Variants in HNRNPM observed in about 807,000 individuals in gnomAD.
The protein encoded by HNRNPM is CEA receptor.
HNRNPM carries 11 observed loss-of-function variants against 73.1 expected under a neutral mutation model. The ratio of observed to expected loss-of-function variants is 0.15; its 90% CI spans 0.09 to 0.25. The LOEUF (loss-of-function observed/expected upper bound fraction) is 0.25, where lower values mean the gene tolerates loss of function less well. Among genes scored for constraint, HNRNPM ranks in the 10% least tolerant of loss-of-function variants. The pLI is 1.00. For synonymous variants in HNRNPM, 407 were observed against 355.2 expected, an observed-to-expected ratio of 1.15 and a Z score of -1.64; for missense variants, 789 against 1,067.9, an observed-to-expected ratio of 0.74 and a Z score of 3.64.
In HNRNPM at chr19:8,445,322, C is replaced by T. The variant is rs1402955975; in HGVS notation, c.113+211C>T. Reference sequence around the variant, plus strand: ...TCGTCCCCTACACCGGGCCTCGAGCCTCGCCACCCTCAGTCCCTCCAGGCC... The same window carrying T: ...TCGTCCCCTACACCGGGCCTCGAGCTTCGCCACCCTCAGTCCCTCCAGGCC... On this transcript the variant is annotated intron_variant, in intron 1 of 15. Transcript: ENST00000325495. The T allele has an allele frequency of 1.7e-5, 7 of 411,756 alleles. No individual in the cohort carries two copies. In the East Asian group the frequency reaches 2.6e-4, roughly 15 times the overall value. The allele number at this position is 411,756 out of a possible 1,614,324, so 25.5% of individuals were successfully genotyped here.
chr19:8,485,139 G>A (rs551612206), intron 13 of HNRNPM, among the ~76,000 whole-genome samples: 1 of 152,076 alleles, frequency 6.6e-6, no homozygotes, highest in African/African-American at 2.4e-5. Flanking sequence ...CATCCTAGAG[G>A]GACAGGCTGG....
intron 10 of HNRNPM, among the ~76,000 whole-genome samples, chr19:8,471,872 G>C (rs1322068733): frequency 6.6e-6 from 1 of 151,984 alleles, no homozygotes; most frequent in Non-Finnish European, 1.5e-5. Flanking sequence ...GGCATTGATA[G>C]ATGCAAAAAA....
intron 10 of HNRNPM, among the ~76,000 whole-genome samples, chr19:8,473,061 C>G (rs1426794731): frequency 6.6e-6 from 1 of 152,008 alleles, no homozygotes; most frequent in East Asian, 1.9e-4. Context: ...TGAGACTAGT[C>G]TAGGCGACAT....
intron 9 of HNRNPM, among the ~76,000 whole-genome samples, chr19:8,469,295 A>G (rs972419768): frequency 3.3e-5 from 5 of 152,222 alleles, no homozygotes; most frequent in African/African-American, 1.2e-4. Flanking sequence ...TGCTCCGCAT[A>G]GATAAATGCA....
At chr19:8,480,161 A>T (rs1337711914) in intron 12 of HNRNPM, among the ~76,000 whole-genome samples, 5 of 143,352 alleles carry the variant, frequency 3.5e-5, no homozygotes, top group Admixed American at 3.5e-4. Context: ...GTGAATCACG[A>T]GGTTAGGAGT....
At chr19:8,477,588 G>A (rs1970598632) in intron 12 of HNRNPM, among the ~76,000 whole-genome samples, 1 of 150,352 alleles carries the variant, frequency 6.7e-6, no homozygotes, top group Non-Finnish European at 1.5e-5. Flanking sequence ...GGAGGTCGAG[G>A]CTGCAGTGAA....
intron 1 of HNRNPM, among the ~76,000 whole-genome samples, chr19:8,447,331 A>G (rs1968267067): frequency 6.7e-6 from 1 of 150,194 alleles, no homozygotes; most frequent in Non-Finnish European, 1.5e-5. Context: ...CACTCCATGC[A>G]GAGTGGAGAG....
At chr19:8,472,591 T>C (rs751181969) in intron 10 of HNRNPM, among the ~76,000 whole-genome samples, 8 of 152,206 alleles carry the variant, frequency 5.3e-5, no homozygotes, top group Non-Finnish European at 8.8e-5. Flanking sequence ...AGGGATTGAT[T>C]TATTGAGACG....
chr19:8,473,313 T>C (rs1915062986), intron 10 of HNRNPM, among the ~76,000 whole-genome samples: 1 of 151,938 alleles, frequency 6.6e-6, no homozygotes, highest in Non-Finnish European at 1.5e-5. Context: ...AGAAAAAGAT[T>C]AGCCAGGCGT....
In HNRNPM at chr19:8,450,547, C is replaced by G. The variant is rs905015491; in HGVS notation, c.114-4858C>G. On this transcript the variant is annotated intron_variant, in intron 1 of 15. Transcript: ENST00000325495. ...ACCTCAGCCTTCTGAGTAAATAGGA[C>G]CACAGGCACATGGTACCATGCCTAG... is the stretch of plus-strand genomic sequence containing the variant. Among the ~76,000 whole-genome samples, 10 of 151,966 alleles carry G rather than the reference C, an allele frequency of 6.6e-5. No homozygotes were observed. In the East Asian group the frequency reaches 1.5e-3, roughly 24 times the overall value.
chr19:8,473,713 GAA>G lies in HNRNPM; in HGVS notation c.1042+7_1042+8del, dbSNP rs753250759. 1.6e-5 allele frequency: 24 copies of G among 1,529,974 alleles called. No individual in the cohort carries two copies. In the African/African-American group the frequency reaches 3.1e-4, roughly 20 times the overall value. The allele number at this position is 1,529,974 out of a possible 1,614,324, so 94.8% of individuals were successfully genotyped here. Reference sequence around the variant, plus strand: ...TTGGAATAAATAAAATGGGAGGTAAGAAATTTAAAATGAAGTACAAGCATAAT... The same window carrying G: ...TTGGAATAAATAAAATGGGAGGTAAGATTTAAAATGAAGTACAAGCATAAT... On this transcript the variant is annotated splice_donor_region_variant and intron_variant, in intron 11 of 15. Transcript: ENST00000325495.
intron 12 of HNRNPM, among the ~76,000 whole-genome samples, chr19:8,481,103 C>T (rs933196772): frequency 6.6e-5 from 10 of 152,196 alleles, no homozygotes; most frequent in Non-Finnish European, 1.0e-4. Flanking sequence ...CTTTCCTACT[C>T]GGTGCCCCTT....
chr19:8,474,358 A>G (rs953121419), intron 12 of HNRNPM, 114 bp downstream of exon 12: 4 of 613,710 alleles, frequency 6.5e-6, no homozygotes, highest in East Asian at 3.1e-5. Context: ...CTGCTTTTCA[A>G]CCGAATCAAA....
At chr19:8,445,166 C>T (rs1044675658) in intron 1 of HNRNPM, 55 bp downstream of exon 1, 3 of 1,316,480 alleles carry the variant, frequency 2.3e-6, no homozygotes, top group Non-Finnish European at 2.9e-6. Context: ...GCGGCCGACG[C>T]GGGCGGCGGC....
At chr19:8,478,023 C>G (rs903447664) in intron 12 of HNRNPM, among the ~76,000 whole-genome samples, 2 of 152,104 alleles carry the variant, frequency 1.3e-5, no homozygotes, top group African/African-American at 4.8e-5. Context: ...TACACAAAGC[C>G]TTTGGGGTAG....
intron 13 of HNRNPM, among the ~76,000 whole-genome samples, chr19:8,484,307 G>T (rs1330922550): frequency 6.6e-6 from 1 of 151,992 alleles, no homozygotes; most frequent in Non-Finnish European, 1.5e-5. Flanking sequence ...CTCCCAAGTA[G>T]CTGGGACTAC....
rs571714414 is a variant in HNRNPM, at chr19:8,462,213, G to A, written c.284-316G>A. ...TCCCTTCCCCAGAAAAGTAAATCACGCAGACTTCTTTCCTATAGATTTGGA... is the reference window on the plus strand; with the variant it reads ...TCCCTTCCCCAGAAAAGTAAATCACACAGACTTCTTTCCTATAGATTTGGA... On this transcript the variant is annotated intron_variant, in intron 2 of 15. Transcript: ENST00000325495. This position sits in a 1 kb window ranked among gnomAD's most constrained non-coding sequence, Gnocchi z 4.5. 4.5e-5 allele frequency: 13 copies of A among 291,704 alleles called. No individual in the cohort carries two copies. Among genetic ancestry groups the A allele is most frequent in the East Asian group, 2.5e-4 (4 of 16,170 alleles). 18.1% of individuals were successfully genotyped at this position (291,704 alleles called of 1,614,324 possible).
At position 8,465,230 on chromosome 19, in the gene HNRNPM, C is replaced by T. The variant is rs923310544; in HGVS notation, c.439-94C>T. On this transcript the variant is annotated intron_variant, in intron 5 of 15. Coordinates refer to ENST00000325495, the MANE Select transcript of HNRNPM (RefSeq NM_005968.5). Reference sequence around the variant, plus strand: ...GAGAGATGCTTTCCAAACAACCTTTCAGTTTCTAAGTCTTGAGAATATCAT... The same window carrying T: ...GAGAGATGCTTTCCAAACAACCTTTTAGTTTCTAAGTCTTGAGAATATCAT... The T allele has an allele frequency of 1.3e-5, 13 of 1,000,452 alleles. No homozygotes were observed. In the Admixed American group the frequency reaches 3.2e-4, roughly 25 times the overall value. The allele number at this position is 1,000,452 out of a possible 1,614,324, so 62.0% of individuals were successfully genotyped here. A position where few individuals can be genotyped will look rare whatever the true frequency, so the allele number is the denominator to read the frequency against.
chr19:8,460,345 T>C (rs953842537), intron 2 of HNRNPM, among the ~76,000 whole-genome samples: 3 of 152,230 alleles, frequency 2.0e-5, no homozygotes, highest in African/African-American at 7.2e-5. Flanking sequence ...TAATGGATGG[T>C]CTCTCAGGGT....
Sources: gnomAD v4.1 joint callset for allele counts (sites outside exome capture counted in the v4.1 genomes callset) on GRCh38, gnomAD v4.1.1 for gene constraint, Gnocchi (gnomAD v3.1) non-coding constraint, MANE v1.5 for transcripts, NCBI Gene and HGNC (gene_info 2026-07-23, HGNC 2026-07-21) for gene names.